Variants in HS6ST3 observed in about 807,000 individuals in gnomAD.
HS6ST3 encodes the protein heparan sulfate 6-O-sulfotransferase 3, also known as heparan-sulfate 6-O-sulfotransferase 3.
A neutral mutation model predicts 36.7 loss-of-function variants in HS6ST3; 12 were observed. The observed-to-expected ratio is 0.33, with a 90% CI of 0.21 to 0.53. HS6ST3 has a LOEUF of 0.53. Among genes scored for constraint, HS6ST3 ranks in the 20% least tolerant of loss-of-function variants. The probability of loss-of-function intolerance (pLI) is 0.95; values close to 1 mark genes in which losing one functional copy is unlikely to be tolerated. For synonymous variants in HS6ST3, 240 were observed against 257.5 expected (o/e 0.93, Z 0.65); for missense variants, 584 against 640.9 (o/e 0.91, Z 0.96).
At chr13:96,223,947 C>T (rs2054468230) in intron 1 of HS6ST3, among the ~76,000 whole-genome samples, 1 of 151,906 alleles carries the variant, frequency 6.6e-6, no homozygotes, top group African/African-American at 2.4e-5. Flanking sequence ...ATTCCCTTCC[C>T]TCCCCTCCCG....
At chr13:96,190,761 C>A (rs772952729) in intron 1 of HS6ST3, among the ~76,000 whole-genome samples, 12 of 152,106 alleles carry the variant, frequency 7.9e-5, no homozygotes, top group Non-Finnish European at 1.5e-4. Context: ...TTAGGGCAGG[C>A]CTCGTGAGGA....
At chr13:96,413,139 G>A (rs959360332) in intron 1 of HS6ST3, among the ~76,000 whole-genome samples, 1 of 152,104 alleles carries the variant, frequency 6.6e-6, no homozygotes, top group African/African-American at 2.4e-5. Context: ...TTTTTGAAGG[G>A]ATGCTTTCTG....
intron 1 of HS6ST3, among the ~76,000 whole-genome samples, chr13:96,683,776 A>G (rs951028076): frequency 1.3e-5 from 2 of 152,130 alleles, no homozygotes; most frequent in African/African-American, 4.8e-5. Flanking sequence ...TTAGTCACAT[A>G]GCATAATAGA....
intron 1 of HS6ST3, among the ~76,000 whole-genome samples, chr13:96,735,201 G>A (rs1429368483): frequency 1.3e-5 from 2 of 150,884 alleles, no homozygotes; most frequent in Non-Finnish European, 2.9e-5. Flanking sequence ...ATTCTGGGAT[G>A]ATATATGATG....
At chr13:96,692,674 G>T (rs1004637803) in intron 1 of HS6ST3, among the ~76,000 whole-genome samples, 4 of 152,126 alleles carry the variant, frequency 2.6e-5, no homozygotes, top group African/African-American at 9.7e-5. Context: ...AATGTTTAAG[G>T]GGATAGCGGA....
chr13:96,817,721 C>G (rs1034047757), intron 1 of HS6ST3, among the ~76,000 whole-genome samples: 1 of 152,088 alleles, frequency 6.6e-6, no homozygotes, highest in Non-Finnish European at 1.5e-5. Context: ...CAATATAACA[C>G]GTCATTTCAA....
At chr13:96,324,849 AC>A (rs2055022671) in intron 1 of HS6ST3, among the ~76,000 whole-genome samples, 1 of 152,216 alleles carries the variant, frequency 6.6e-6, no homozygotes, top group Non-Finnish European at 1.5e-5. Context: ...GATAACTGAT[AC>A]CTTGATCTCA....
intron 1 of HS6ST3, among the ~76,000 whole-genome samples, chr13:96,302,448 G>GT: frequency 6.6e-6 from 1 of 152,112 alleles, no homozygotes; most frequent in Non-Finnish European, 1.5e-5. Flanking sequence ...AAAAGGATAA[G>GT]TAGGTATTCA....
intron 1 of HS6ST3, among the ~76,000 whole-genome samples, chr13:96,624,726 GC>G (rs1247080843): frequency 2.0e-5 from 3 of 152,082 alleles, no homozygotes; most frequent in African/African-American, 7.2e-5. Flanking sequence ...TGTCTGACTC[GC>G]TTTTGTTTGC....
intron 1 of HS6ST3, among the ~76,000 whole-genome samples, chr13:96,121,278 T>G (rs1185269276): frequency 6.6e-6 from 1 of 152,204 alleles, no homozygotes; most frequent in African/African-American, 2.4e-5. Flanking sequence ...TTGCGCTATA[T>G]TCGACCAAGT....
chr13:96,240,681 A>G (rs906514670), intron 1 of HS6ST3, among the ~76,000 whole-genome samples: 1 of 152,186 alleles, frequency 6.6e-6, no homozygotes, highest in East Asian at 1.9e-4. Context: ...GAGATGAACT[A>G]AGAAGACATT....
intron 1 of HS6ST3, among the ~76,000 whole-genome samples, chr13:96,558,649 G>A (rs1566396309): frequency 6.6e-6 from 1 of 151,984 alleles, no homozygotes; most frequent in Non-Finnish European, 1.5e-5. Context: ...AGCCTTGTTG[G>A]AATTTTTTTT....
intron 1 of HS6ST3, among the ~76,000 whole-genome samples, chr13:96,273,239 A>G (rs918902747): frequency 4.6e-5 from 7 of 151,896 alleles, no homozygotes; most frequent in Admixed American, 3.3e-4. Flanking sequence ...GGCTATGGCT[A>G]GTTCTGACCA....
intron 1 of HS6ST3, among the ~76,000 whole-genome samples, chr13:96,708,670 G>A (rs1875488036): frequency 6.6e-6 from 1 of 152,090 alleles, no homozygotes. Context: ...AATCCACAGA[G>A]GAAAAATCTC....
intron 1 of HS6ST3, among the ~76,000 whole-genome samples, chr13:96,177,475 C>T (rs1290065157): frequency 2.0e-5 from 3 of 151,944 alleles, no homozygotes; most frequent in South Asian, 4.2e-4. Context: ...TTTGAGGGAA[C>T]GTGGATGAAG....
At chr13:96,354,374 A>C (rs2055199478) in intron 1 of HS6ST3, among the ~76,000 whole-genome samples, 1 of 152,200 alleles carries the variant, frequency 6.6e-6, no homozygotes, top group African/African-American at 2.4e-5. Flanking sequence ...TCAGATAAAA[A>C]CAGAGCTATT....
chr13:96,606,156 G>C (rs1319344168), intron 1 of HS6ST3, among the ~76,000 whole-genome samples: 1 of 152,162 alleles, frequency 6.6e-6, no homozygotes, highest in African/African-American at 2.4e-5. Flanking sequence ...GTGGAAAGCA[G>C]TTTGGAGATT....
intron 1 of HS6ST3, among the ~76,000 whole-genome samples, chr13:96,328,287 T>C (rs1469064238): frequency 6.7e-6 from 1 of 150,182 alleles, no homozygotes; most frequent in African/African-American, 2.4e-5. Context: ...TTCTAGTTTT[T>C]GCCCATTCAG....
chr13:96,319,168 A>G lies in HS6ST3; in HGVS notation c.707+227599A>G, dbSNP rs528899983. Among the ~76,000 whole-genome samples, 110 of 152,294 alleles carry G rather than the reference A, an allele frequency of 7.2e-4. 1 individual carries two copies. The highest frequency in any genetic ancestry group is 2.6e-3 in the African/African-American group (109 of 41,582). On this transcript the variant is annotated intron_variant, in intron 1 of 1. Coordinates refer to ENST00000376705, the MANE Select transcript of HS6ST3 (RefSeq NM_153456.4). ...AATCACCAGTCTACTTTCTGTATCT[A>G]TGGATTTGCCTATTCTGGACATTTT...
Sources: allele counts gnomAD v4.1 joint callset (sites outside exome capture counted in the v4.1 genomes callset), GRCh38; gene constraint gnomAD v4.1.1; transcripts MANE v1.5; gene names NCBI Gene and HGNC (gene_info 2026-07-23, HGNC 2026-07-21).